The following ZSWIM4 variants were observed in gnomAD, a reference collection of about 807,000 sequenced individuals.
The protein encoded by ZSWIM4 is zinc finger SWIM-type containing 4, also known as zinc finger SWIM domain-containing protein 4.
A neutral mutation model predicts 102.5 loss-of-function variants in ZSWIM4; 62 were observed. The ratio of observed to expected loss-of-function variants is 0.60; its 90% CI spans 0.49 to 0.75. The LOEUF (loss-of-function observed/expected upper bound fraction) is 0.75, where lower values mean the gene tolerates loss of function less well. ZSWIM4 is among the 30% of genes least tolerant of loss of function. The probability of loss-of-function intolerance (pLI) is 0.00; values close to 1 mark genes in which losing one functional copy is unlikely to be tolerated. For missense variants in ZSWIM4, 1,280 were observed against 1,529.6 expected, an observed-to-expected ratio of 0.84 and a Z score of 2.72; for synonymous variants, 652 against 674.5, an observed-to-expected ratio of 0.97 and a Z score of 0.52.
rs767199789 is a variant in ZSWIM4 at position 13,808,971 on chromosome 19, C to T, written c.848C>T (p.Ser283Phe). The change falls in exon 4 of 14, where the codon TCC becomes TTC. Residue 283 changes from serine (S) to phenylalanine (F), a missense_variant. Physicochemically the swap from Ser to Phe is radical, Grantham distance 155. Transcript: ENST00000590508. ...GYYGASQQLR[S>F]MFSKVREMLR... ...TACGGGGCCAGCCAGCAGCTGCGCT[C>T]CATGTTCAGCAAGGTGCCGTGCGGG... 2 of 1,611,038 alleles carry T rather than the reference C, an allele frequency of 1.2e-6. No individual in the cohort carries two copies. Among genetic ancestry groups the T allele is most frequent in the South Asian group, 1.1e-5 (1 of 90,768 alleles).
intron 12 of ZSWIM4, among the ~76,000 whole-genome samples, chr19:13,828,193 G>A (rs546995281): frequency 6.6e-6 from 1 of 152,244 alleles, no homozygotes; most frequent in South Asian, 2.1e-4. Flanking sequence ...CGGATCACTT[G>A]AGGTCAGGAG....
intron 1 of ZSWIM4, among the ~76,000 whole-genome samples, chr19:13,798,884 G>A (rs555736754): frequency 6.6e-6 from 1 of 152,312 alleles, no homozygotes; most frequent in South Asian, 2.1e-4. Context: ...CGCCTCCCGG[G>A]TTCAAGTGGT....
In ZSWIM4 at chr19:13,804,790, A is replaced by C; in HGVS notation, c.356-2A>C. 6.4e-7 allele frequency: 1 copy of C among 1,571,418 alleles called. No individual in the cohort carries two copies. Among genetic ancestry groups the C allele is most frequent in the South Asian group, 1.2e-5 (1 of 85,578 alleles). On this transcript the variant is annotated splice_acceptor_variant, in intron 2 of 13. Transcript: ENST00000590508. LOFTEE classifies it high-confidence loss of function. Reference sequence around the variant, plus strand: ...GATGCGACAGTTTGGCTTTGATCCTAGGATTCCACCTGAGCGGAAACATCC... The same window carrying C: ...GATGCGACAGTTTGGCTTTGATCCTCGGATTCCACCTGAGCGGAAACATCC...
intron 1 of ZSWIM4, among the ~76,000 whole-genome samples, chr19:13,796,152 C>G (rs1173315322): frequency 6.6e-6 from 1 of 151,070 alleles, no homozygotes; most frequent in Non-Finnish European, 1.5e-5. Flanking sequence ...GCCTTATCCC[C>G]CAACGGTACC....
In ZSWIM4 at chr19:13,830,972, A is replaced by G. The variant is rs1260958735; in HGVS notation, c.3243A>G (p.Ser1081=). ...CGCCCGACGGGCACCTCCAGTTCTC[A>G]CAGTTCTTGGAGAACCTCAAACAGA... The part of the protein sequence containing the change: ...LLAPDGHLQF[S]QFLENLKQTY... Residue 1081 remains serine (S), a synonymous_variant, in exon 14 of 14, where the codon TCA becomes TCG. Transcript: ENST00000590508. 2.3e-5 allele frequency: 37 copies of G among 1,613,786 alleles called. No homozygotes were observed. Among genetic ancestry groups the G allele is most frequent in the Non-Finnish European group, 3.1e-5 (37 of 1,179,970 alleles).
chr19:13,811,659 C>T (rs927402466), intron 5 of ZSWIM4, among the ~76,000 whole-genome samples: 3 of 152,012 alleles, frequency 2.0e-5, no homozygotes, highest in Non-Finnish European at 4.4e-5. Flanking sequence ...CATGATGAGA[C>T]CCTGTCTCTA....
chr19:13,826,897 G>A lies in ZSWIM4; in HGVS notation c.2379+1184G>A, dbSNP rs56970879. Among the ~76,000 whole-genome samples the A allele has an allele frequency of 8.0e-3, 1,217 of 152,220 alleles. 19 individuals are homozygous for A. The highest frequency in any genetic ancestry group is 0.028 in the African/African-American group (1,146 of 41,504). On this transcript the variant is annotated intron_variant, in intron 12 of 13. Coordinates refer to ENST00000590508, the MANE Select transcript of ZSWIM4 (RefSeq NM_001367834.3). Reference sequence around the variant, plus strand: ...CTTGCTGGAAAGGTGTCATTGGTAGGGTGTGAGTGCCATGGGACCTGGAGG... The same window carrying A: ...CTTGCTGGAAAGGTGTCATTGGTAGAGTGTGAGTGCCATGGGACCTGGAGG...
intron 5 of ZSWIM4, among the ~76,000 whole-genome samples, chr19:13,812,025 A>G (rs547630608): frequency 6.6e-6 from 1 of 151,908 alleles, no homozygotes; most frequent in African/African-American, 2.4e-5. Flanking sequence ...CAGTGAGCTG[A>G]GATTGCGCCA....
rs560862035 is a variant in ZSWIM4 at position 13,801,820 on chromosome 19, C to A, written c.355+1899C>A. ...CCTAGTAGCTGGGACTACAGGCACC[C>A]GCTATCATGCCTGGCTAATTTTTGT... On this transcript the variant is annotated intron_variant, in intron 2 of 13. Coordinates refer to ENST00000590508, the MANE Select transcript of ZSWIM4 (RefSeq NM_001367834.3). Among the ~76,000 whole-genome samples, 263 of 142,754 alleles carry A rather than the reference C, an allele frequency of 1.8e-3. 2 individuals are homozygous for A. The Middle Eastern group carries it at 0.025, about 13-fold the overall frequency. The allele number at this position is 142,754 out of a possible 152,430, so 93.7% of individuals were successfully genotyped here.
intron 2 of ZSWIM4, among the ~76,000 whole-genome samples, chr19:13,801,155 GA>G (rs58833466): frequency 8.6e-5 from 12 of 140,172 alleles, no homozygotes; most frequent in South Asian, 2.2e-4. Context: ...AGAGAAAAAA[GA>G]AAAAAAAAAA....
intron 3 of ZSWIM4, 41 bp from the exon 4 acceptor site, chr19:13,808,795 T>C (rs919048142): frequency 1.8e-6 from 2 of 1,121,590 alleles, no homozygotes; most frequent in East Asian, 4.4e-5. Flanking sequence ...CAACCCCAAC[T>C]CCAGCCCCAG....
chr19:13,821,434 T>C (rs1429931623), intron 10 of ZSWIM4, among the ~76,000 whole-genome samples: 1 of 152,066 alleles, frequency 6.6e-6, no homozygotes, highest in Non-Finnish European at 1.5e-5. Flanking sequence ...CTTGGGAGGC[T>C]GAGGAGGGAG....
At position 13,825,837 on chromosome 19, in the gene ZSWIM4, G is replaced by T; in HGVS notation, c.2379+124G>T. 3 of 1,287,928 alleles carry T rather than the reference G, an allele frequency of 2.3e-6. No homozygotes were observed. The highest frequency in any genetic ancestry group is 3.1e-6 in the Non-Finnish European group (3 of 955,564). The allele number at this position is 1,287,928 out of a possible 1,614,324, so 79.8% of individuals were successfully genotyped here. A position where few individuals can be genotyped will look rare whatever the true frequency, so the allele number is the denominator to read the frequency against. ...TTCGCTGGGGGCCCGGCATTTGCGT[G>T]AGCTATTCCTCTGTGGCTGGGGACT... On this transcript the variant is annotated intron_variant, in intron 12 of 13. Coordinates refer to ENST00000590508, the MANE Select transcript of ZSWIM4 (RefSeq NM_001367834.3). This position sits in a 1 kb window ranked among gnomAD's most constrained non-coding sequence, Gnocchi z 4.6.
chr19:13,812,327 T>G (rs940897687), intron 5 of ZSWIM4, among the ~76,000 whole-genome samples: 2 of 151,994 alleles, frequency 1.3e-5, no homozygotes, highest in Non-Finnish European at 2.9e-5. Flanking sequence ...CGAGTCTCAC[T>G]CTGTTGCCCA....
At chr19:13,826,322 G>A (rs1275182261) in intron 12 of ZSWIM4, among the ~76,000 whole-genome samples, 1 of 151,698 alleles carries the variant, frequency 6.6e-6, no homozygotes, top group Admixed American at 6.6e-5. Flanking sequence ...TGAAGCTGAG[G>A]GTGAGGCAGA....
intron 2 of ZSWIM4, 75 bp from the exon 3 acceptor site, chr19:13,804,717 C>T (rs905955322): frequency 1.7e-5 from 21 of 1,262,278 alleles, no homozygotes; most frequent in East Asian, 9.4e-5. Flanking sequence ...GCTTTGCAAC[C>T]GGGTCTTGCT....
rs777464985 is a variant in ZSWIM4, at chr19:13,819,422, C to T, written c.1990C>T (p.Arg664Cys). ...GAGCGTGCCCATGCACACCTGTGCC[C>T]GCTACCTGTTCACCGCACTGCTGCC... ...RESVPMHTCA[R>C]YLFTALLPHD... is the part of the protein sequence containing the mutation. Residue 664 changes from arginine (R) to cysteine (C), a missense_variant, in exon 10 of 14, where the codon CGC becomes TGC. By Grantham distance (180) the Arg-to-Cys change is radical (BLOSUM62 -3). Coordinates refer to ENST00000590508, the MANE Select transcript of ZSWIM4 (RefSeq NM_001367834.3). 35 of 1,611,614 alleles carry T rather than the reference C, an allele frequency of 2.2e-5. No individual in the cohort carries two copies. The highest frequency in any genetic ancestry group is 6.7e-5 in the African/African-American group (5 of 74,890).
At chr19:13,828,190 C>T (rs1975662507) in intron 12 of ZSWIM4, among the ~76,000 whole-genome samples, 1 of 152,112 alleles carries the variant, frequency 6.6e-6, no homozygotes, top group Non-Finnish European at 1.5e-5. Flanking sequence ...GGGCGGATCA[C>T]TTGAGGTCAG....
chr19:13,820,120 A>T (rs902874646), intron 10 of ZSWIM4, among the ~76,000 whole-genome samples: 1 of 151,938 alleles, frequency 6.6e-6, no homozygotes, highest in African/African-American at 2.4e-5. Context: ...TGTTGTCTCG[A>T]ACTCCTGACC....
Sources: allele counts gnomAD v4.1 joint callset (sites outside exome capture counted in the v4.1 genomes callset), GRCh38; gene constraint gnomAD v4.1.1; non-coding constraint Gnocchi (gnomAD v3.1); transcripts MANE v1.5; gene names NCBI Gene and HGNC (gene_info 2026-07-23, HGNC 2026-07-21).